Variants in MFAP3L observed in about 807,000 individuals in gnomAD.
The protein encoded by MFAP3L is microfibrillar-associated protein 3-like.
A neutral mutation model predicts 20.0 loss-of-function variants in MFAP3L; 5 were observed. That is an observed-to-expected ratio of 0.25 (90% confidence interval 0.13 to 0.53). MFAP3L has a LOEUF of 0.53. MFAP3L is among the 20% of genes least tolerant of loss of function. MFAP3L has a pLI of 0.96. For synonymous variants in MFAP3L, 219 were observed against 213.0 expected (o/e 1.03, Z -0.25); for missense variants, 409 against 527.5 (o/e 0.78, Z 2.20).
chr4:169,992,736 A>T lies in MFAP3L; in HGVS notation c.299-427T>A, dbSNP rs917186636. Among the ~76,000 whole-genome samples the T allele has an allele frequency of 6.6e-6, 1 of 152,246 alleles. No homozygotes were observed. The highest frequency in any genetic ancestry group is 1.5e-5 in the Non-Finnish European group (1 of 68,038). ...TCTTATTGAAGAGTTCCTTAACTTTAAAAGCAACTGGTTCTCTAACCTGCC... is the reference window on the plus strand; with the variant it reads ...TCTTATTGAAGAGTTCCTTAACTTTTAAAGCAACTGGTTCTCTAACCTGCC... On this transcript the variant is annotated intron_variant, in intron 2 of 2. Transcript: ENST00000361618. This position sits in a 1 kb window ranked among gnomAD's most constrained non-coding sequence, Gnocchi z 4.3.
chr4:170,012,068 A>G (rs1246960430), intron 1 of MFAP3L, among the ~76,000 whole-genome samples: 1 of 152,088 alleles, frequency 6.6e-6, no homozygotes, highest in Non-Finnish European at 1.5e-5. Context: ...GGATGGGGGC[A>G]CTCACAGGTT....
At chr4:170,009,837 G>C (rs1261586283) in intron 1 of MFAP3L, among the ~76,000 whole-genome samples, 2 of 152,020 alleles carry the variant, frequency 1.3e-5, no homozygotes, top group Non-Finnish European at 2.9e-5. Flanking sequence ...TGTATTTCTG[G>C]AGCTAGAAGG....
chr4:170,022,466 G>T, intron 1 of MFAP3L, among the ~76,000 whole-genome samples: 1 of 152,170 alleles, frequency 6.6e-6, no homozygotes, highest in East Asian at 1.9e-4. Context: ...GGACCACTTT[G>T]TTCCCCTCCT....
At position 170,001,822 on chromosome 4, in the gene MFAP3L, A is replaced by G. The variant is rs926785237; in HGVS notation, c.298+3758T>C. ...CAAAAGTCTTCCAGATAGAGATCAC[A>G]CATTAGCCTCTCCTGATCCTGTGGA... is the stretch of plus-strand genomic sequence containing the variant. On this transcript the variant is annotated intron_variant, in intron 2 of 2. Coordinates refer to ENST00000361618, the MANE Select transcript of MFAP3L (RefSeq NM_021647.8). 7.5e-6 allele frequency: 5 copies of G among 670,512 alleles called. No homozygotes were observed. The Admixed American group carries it at 1.9e-4, about 25-fold the overall frequency. 41.5% of individuals were successfully genotyped at this position (670,512 alleles called of 1,614,324 possible). A position where few individuals can be genotyped will look rare whatever the true frequency, so the allele number is the denominator to read the frequency against.
At chr4:169,998,480 T>C (rs1310194278) in intron 2 of MFAP3L, among the ~76,000 whole-genome samples, 1 of 152,230 alleles carries the variant, frequency 6.6e-6, no homozygotes, top group East Asian at 1.9e-4. Flanking sequence ...CCACAGGTAC[T>C]GTAATCACAG....
intron 2 of MFAP3L, among the ~76,000 whole-genome samples, chr4:169,999,590 T>C (rs1738467943): frequency 6.6e-6 from 1 of 152,204 alleles, no homozygotes. Context: ...TTCACATTAA[T>C]CACTTCCATT....
At position 170,011,219 on chromosome 4, in the gene MFAP3L, T is replaced by C. The variant is rs137992542; in HGVS notation, c.-133-5209A>G. On this transcript the variant is annotated intron_variant, in intron 1 of 2. Coordinates refer to ENST00000361618, the MANE Select transcript of MFAP3L (RefSeq NM_021647.8). ...TTTATAAATTACCCAGTCTCAGGTA[T>C]GTCTTTATTAGCAGCATGAAAACAA... Among the ~76,000 whole-genome samples, 385 of 152,336 alleles carry C rather than the reference T, an allele frequency of 2.5e-3. 1 individual carries two copies. Among genetic ancestry groups the C allele is most frequent in the Middle Eastern group, 0.02 (6 of 294 alleles).
intron 2 of MFAP3L, among the ~76,000 whole-genome samples, chr4:169,998,916 G>T (rs890755024): frequency 1.3e-5 from 2 of 152,226 alleles, no homozygotes; most frequent in Non-Finnish European, 2.9e-5. Context: ...TTCAAACGAG[G>T]ATTGCGTAGA....
rs539184493 is a variant in MFAP3L, at chr4:169,991,331, G to T, written c.*47C>A. On this transcript the variant is annotated 3_prime_UTR_variant, in exon 3 of 3. Transcript: ENST00000361618. The surrounding 1 kb of genome is among the most constrained non-coding windows in gnomAD (Gnocchi z 4.9). The stretch of plus-strand genomic sequence containing the variant: ...GTGCGTACTACATCTGTATTACAAG[G>T]AGCAGCCCCTGATTTTCTTGATATG... The T allele has an allele frequency of 2.9e-5, 46 of 1,567,126 alleles. No individual in the cohort carries two copies. The South Asian group carries it at 4.1e-4, about 14-fold the overall frequency.
At position 169,992,009 on chromosome 4, in the gene MFAP3L, T is replaced by C; in HGVS notation, c.599A>G (p.Lys200Arg). ...GATGCGCTTGGCGATCTCAAATGCC[T>C]TCTGCAGCTTCTCTGCACCTTCGGT... ...FRTEGAEKLQ[K>R]AFEIAKRIPI... Residue 200 changes from lysine to arginine, a missense_variant, in exon 3 of 3, where the codon AAG becomes AGG. Transcript: ENST00000361618. The surrounding 1 kb of genome is among the most constrained non-coding windows in gnomAD (Gnocchi z 4.3). 1 of 1,614,190 alleles carries C rather than the reference T, an allele frequency of 6.2e-7. No homozygotes were observed. The highest frequency in any genetic ancestry group is 8.5e-7 in the Non-Finnish European group (1 of 1,180,032).
chr4:170,005,128 A>C (rs1214908029), intron 2 of MFAP3L: 1 of 160,834 alleles, frequency 6.2e-6, no homozygotes, highest in Non-Finnish European at 1.4e-5. Context: ...CCAGTGGCTG[A>C]GACTTGCACT....
chr4:169,998,338 C>T (rs1738354323), intron 2 of MFAP3L, among the ~76,000 whole-genome samples: 2 of 152,180 alleles, frequency 1.3e-5, no homozygotes, highest in Admixed American at 1.3e-4. Flanking sequence ...TAGTGTGAAA[C>T]CAACAGATGA....
At chr4:170,024,171 G>GT (rs990934066) in intron 1 of MFAP3L, among the ~76,000 whole-genome samples, 8 of 152,170 alleles carry the variant, frequency 5.3e-5, no homozygotes, top group Non-Finnish European at 1.2e-4. Flanking sequence ...AACTCCTGTT[G>GT]TTTTTTTGAG....
intron 2 of MFAP3L, chr4:169,997,847 C>T: frequency 7.3e-6 from 7 of 953,904 alleles, no homozygotes; most frequent in East Asian, 1.2e-4. Flanking sequence ...GGGTAAGGGA[C>T]ACTCCCATGC....
intron 2 of MFAP3L, chr4:170,003,666 A>T (rs1329628860): frequency 5.1e-6 from 5 of 985,202 alleles, no homozygotes; most frequent in Non-Finnish European, 6.0e-6. Context: ...ATACCCAGGG[A>T]TAACCTTTGC....
At chr4:170,002,849 A>C (rs567728145) in intron 2 of MFAP3L, among the ~76,000 whole-genome samples, 9 of 151,968 alleles carry the variant, frequency 5.9e-5, no homozygotes, top group South Asian at 4.2e-4. Context: ...TTATTTAAAA[A>C]AAAAAACAAA....
chr4:169,991,918 G>A lies in MFAP3L; in HGVS notation c.690C>T (p.Phe230=), dbSNP rs560309385. ...TGGCAAGCTCTTCGATGTAGCGGGCGAACTCCATGGTTTTGAACTGGGTGA... is the reference window on the plus strand; with the variant it reads ...TGGCAAGCTCTTCGATGTAGCGGGCAAACTCCATGGTTTTGAACTGGGTGA... ...AKVTQFKTME[F]ARYIEELARS... Residue 230 remains phenylalanine, a synonymous_variant, in exon 3 of 3, where the codon TTC becomes TTT. Coordinates refer to ENST00000361618, the MANE Select transcript of MFAP3L (RefSeq NM_021647.8). The surrounding 1 kb of genome is among the most constrained non-coding windows in gnomAD (Gnocchi z 4.9). 1.2e-5 allele frequency: 19 copies of A among 1,614,052 alleles called. No homozygotes were observed. The highest frequency in any genetic ancestry group is 1.6e-4 in the Middle Eastern group (1 of 6,084).
At chr4:170,019,246 G>A (rs1739883772) in intron 1 of MFAP3L, among the ~76,000 whole-genome samples, 1 of 152,148 alleles carries the variant, frequency 6.6e-6, no homozygotes, top group Non-Finnish European at 1.5e-5. Flanking sequence ...TTTCAAGAAG[G>A]AACAGAAAGG....
In MFAP3L at chr4:170,011,399, CTGCCCTTTCT is replaced by C. The variant is rs374874437; in HGVS notation, c.-133-5399_-133-5390del. Among the ~76,000 whole-genome samples, 799 of 152,330 alleles carry C rather than the reference CTGCCCTTTCT, an allele frequency of 5.2e-3. 10 individuals carry two copies. The highest frequency in any genetic ancestry group is 0.018 in the African/African-American group (751 of 41,564). Reference sequence around the variant, plus strand: ...CAAAGTCCTATTACAGAGATTCATACTGCCCTTTCTTGCCCTTTCTTGTCCATGTTCTAGA... The same window carrying C: ...CAAAGTCCTATTACAGAGATTCATACTGCCCTTTCTTGTCCATGTTCTAGA... On this transcript the variant is annotated intron_variant, in intron 1 of 2. Transcript: ENST00000361618.
Sources: gnomAD v4.1 joint callset for allele counts (sites outside exome capture counted in the v4.1 genomes callset) on GRCh38, gnomAD v4.1.1 for gene constraint, Gnocchi (gnomAD v3.1) non-coding constraint, MANE v1.5 for transcripts, NCBI Gene and HGNC (gene_info 2026-07-23, HGNC 2026-07-21) for gene names.